RDH13: variants seen among roughly 807,000 people sequenced by gnomAD.
The protein encoded by RDH13 is retinol dehydrogenase 13 (all-trans and 9-cis).
Under a neutral mutation model 28.3 loss-of-function variants are expected in RDH13, and 35 were observed. The observed-to-expected ratio is 1.24, with a 90% CI of 0.95 to 1.64. The LOEUF (loss-of-function observed/expected upper bound fraction) is 1.64. Among genes scored for constraint, RDH13 ranks in the 40% most tolerant of loss-of-function variants. The pLI, the probability that RDH13 is intolerant of heterozygous loss-of-function variation, is 0.00. For missense variants in RDH13, 514 were observed against 446.3 expected, an observed-to-expected ratio of 1.15 and a Z score of -1.37; for synonymous variants, 229 against 198.5, an observed-to-expected ratio of 1.15 and a Z score of -1.29.
chr19:55,052,542 T>TA (rs35692980), intron 3 of RDH13, among the ~76,000 whole-genome samples: 1,688 of 132,428 alleles, frequency 0.013, 14 homozygotes, highest in Admixed American at 0.014. Flanking sequence ...AACTCCGTCT[T>TA]AAAAAAAAAA....
At chr19:55,041,528 G>C (rs371958163), downstream of RDH13, 3 of 99,954 alleles carry the variant, frequency 3.0e-5, no homozygotes, top group East Asian at 1.2e-3. Context: ...GAGCAACTTA[G>C]AGCAAGAAAA....
chr19:55,063,002 G>T lies in RDH13; in HGVS notation c.31C>A (p.Leu11Met). The change falls in exon 1 of 7, where the codon CTG becomes ATG. Residue 11 changes from leucine (L) to methionine (M), a missense_variant. Coordinates refer to ENST00000415061, the MANE Select transcript of RDH13 (RefSeq NM_001145971.2). ...ACGGCGGCGCCTGCTACCGTGCCCAGCGCCGACAGCGGCAGCAGGTAGCGG... is the reference window on the plus strand; with the variant it reads ...ACGGCGGCGCCTGCTACCGTGCCCATCGCCGACAGCGGCAGCAGGTAGCGG... MSRYLLPLSA[L>M]GTVAGAAVLL... The T allele has an allele frequency of 1.4e-6, 2 of 1,469,954 alleles. No homozygotes were observed. The allele number at this position is 1,469,954 out of a possible 1,614,324, so 91.1% of individuals were successfully genotyped here. A position where few individuals can be genotyped will look rare whatever the true frequency, so the allele number is the denominator to read the frequency against.
intron 3 of RDH13, among the ~76,000 whole-genome samples, chr19:55,055,964 C>A (rs542086536): frequency 1.3e-5 from 2 of 151,862 alleles, no homozygotes; most frequent in East Asian, 3.9e-4. Context: ...ACCAGCCTGA[C>A]CAACATGGTG....
downstream of RDH13, chr19:55,042,018 G>A (rs546669365): frequency 3.3e-5 from 5 of 152,180 alleles, no homozygotes; most frequent in Non-Finnish European, 5.9e-5. Context: ...GAGATAGCGA[G>A]GGGGTGATGC....
chr19:55,066,090 A>T (rs1453790731), upstream of RDH13, among the ~76,000 whole-genome samples: 1 of 152,224 alleles, frequency 6.6e-6, no homozygotes, highest in Non-Finnish European at 1.5e-5. Context: ...TAAGTGCCAG[A>T]ACATTGCTGG....
At chr19:55,045,361 G>C (rs2075185420) in intron 6 of RDH13, 52 bp from the exon 7 acceptor site, 2 of 1,448,660 alleles carry the variant, frequency 1.4e-6, no homozygotes, top group Non-Finnish European at 1.9e-6. Context: ...AGAGAAGGAA[G>C]GAAGCCCCGC....
chr19:55,065,562 A>G (rs550836476), upstream of RDH13, among the ~76,000 whole-genome samples: 3 of 151,712 alleles, frequency 2.0e-5, no homozygotes, highest in South Asian at 6.2e-4. Context: ...TTTTCTACAA[A>G]CAGCCAGATA....
chr19:55,048,134 G>A (rs1458534567), intron 5 of RDH13, 195 bp downstream of exon 5: 1 of 1,532,732 alleles, frequency 6.5e-7, no homozygotes, highest in Admixed American at 2.0e-5. Context: ...GGGATGAACA[G>A]ACAATCCTCA....
chr19:55,064,565 G>A (rs1051793531), upstream of RDH13, among the ~76,000 whole-genome samples: 5 of 151,986 alleles, frequency 3.3e-5, no homozygotes, highest in South Asian at 4.1e-4. Flanking sequence ...GCTGCAGGGG[G>A]CTGGAGATGA....
upstream of RDH13, chr19:55,064,008 A>G (rs1166205024): frequency 6.6e-6 from 1 of 152,246 alleles, no homozygotes; most frequent in African/African-American, 2.4e-5. Flanking sequence ...CGCTGGAAAC[A>G]GGGAAGAATT....
intron 6 of RDH13, among the ~76,000 whole-genome samples, chr19:55,045,986 G>C (rs1285806942): frequency 6.9e-6 from 1 of 144,022 alleles, no homozygotes. Context: ...GGTGACTCAC[G>C]CCTGTAATCC....
At position 55,063,048 on chromosome 19, in the gene RDH13, G is replaced by T; in HGVS notation, c.-16C>A. On this transcript the variant is annotated 5_prime_UTR_variant, in exon 1 of 7. It adds an upstream start codon to the 5' untranslated region. Transcript: ENST00000415061. ...AGCGGCTCATGCCGGGCCGGGGACA[G>T]GCGTCAGGCGTCAGGGGTCGGCGCG... 1 of 1,287,942 alleles carries T rather than the reference G, an allele frequency of 7.8e-7. No individual in the cohort carries two copies. Among genetic ancestry groups the T allele is most frequent in the Non-Finnish European group, 9.7e-7 (1 of 1,025,768 alleles). The allele number at this position is 1,287,942 out of a possible 1,614,324, so 79.8% of individuals were successfully genotyped here.
chr19:55,050,317 A>G (rs976827340), intron 3 of RDH13, among the ~76,000 whole-genome samples: 1 of 151,938 alleles, frequency 6.6e-6, no homozygotes, highest in Non-Finnish European at 1.5e-5. Flanking sequence ...GGGCTTCACC[A>G]TGTTGGCCAG....
Position 55,047,416 on chromosome 19 carries a change from T to G in RDH13, c.731A>C (p.His244Pro). 1 of 1,611,880 alleles carries G rather than the reference T, an allele frequency of 6.2e-7. No homozygotes were observed. Residue 244 changes from histidine to proline, a missense_variant, in exon 6 of 7, where the codon CAT becomes CCT. Physicochemically the swap from His to Pro is moderately conservative, Grantham distance 77. Coordinates refer to ENST00000415061, the MANE Select transcript of RDH13 (RefSeq NM_001145971.2). Reference sequence around the variant, plus strand: ...TGTGGTGCTGGAGAAGGTGGAGCCATGGATGCCCGTGTGTCTGCCCAGCTC... The same window carrying G: ...TGTGGTGCTGGAGAAGGTGGAGCCAGGGATGCCCGTGTGTCTGCCCAGCTC... ...RTELGRHTGIHGSTFSSTTLG... is the reference protein window; with the variant it reads ...RTELGRHTGIPGSTFSSTTLG...
chr19:55,056,603 T>G, intron 3 of RDH13, 50 bp downstream of exon 3: 1 of 1,594,340 alleles, frequency 6.3e-7, no homozygotes, highest in Non-Finnish European at 8.6e-7. Flanking sequence ...AGCCTGGCCC[T>G]GGGAGCCGCC....
chr19:55,054,431 TA>T (rs1221977374), intron 3 of RDH13, among the ~76,000 whole-genome samples: 7 of 152,056 alleles, frequency 4.6e-5, no homozygotes, highest in African/African-American at 1.7e-4. Flanking sequence ...CCGTCTCTAC[TA>T]AAAATACAAA....
upstream of RDH13, chr19:55,063,613 G>T (rs895787887): frequency 1.3e-5 from 2 of 154,100 alleles, no homozygotes; most frequent in South Asian, 3.5e-4. Context: ...TGGGTCTGAG[G>T]GAGGAGGGGC....
rs1447412123 is a variant in RDH13, at chr19:55,059,161, C to G, written c.180G>C (p.Arg60Ser). The G allele has an allele frequency of 2.5e-6, 4 of 1,583,870 alleles. No individual in the cohort carries two copies. In the South Asian group the frequency reaches 4.6e-5, roughly 18 times the overall value. The change falls in exon 2 of 7, where the codon AGG becomes AGC. Residue 60 changes from arginine (R) to serine (S), a missense_variant. Physicochemically the swap from Arg to Ser is moderately radical, Grantham distance 110 (BLOSUM62 -1). Transcript: ENST00000415061. ...CCAAAGCAGGGGAGATTTTACCTCT[C>G]CTGGCCAGTTCCAAGGCGGTCTGCT... ...IGKQTALELA[R>S]RGGNIILACR...
At chr19:55,064,611 G>A (rs1001369964), upstream of RDH13, among the ~76,000 whole-genome samples, 4 of 150,608 alleles carry the variant, frequency 2.7e-5, no homozygotes, top group African/African-American at 9.8e-5. Context: ...TTGTTTGTTT[G>A]TTTGTTTTGT....
Sources: gnomAD v4.1 joint callset for allele counts (sites outside exome capture counted in the v4.1 genomes callset) on GRCh38, gnomAD v4.1.1 for gene constraint, MANE v1.5 for transcripts, NCBI Gene and HGNC (gene_info 2026-07-23, HGNC 2026-07-21) for gene names.